The following KLF7 variants were observed in gnomAD, a reference collection of about 807,000 sequenced individuals.
The protein encoded by KLF7 is KLF transcription factor 7.
KLF7 carries 2 observed loss-of-function variants against 27.3 expected under a neutral mutation model. The observed-to-expected ratio is 0.07, with a 90% CI of 0.03 to 0.23. KLF7 has a LOEUF of 0.23. Ranked by LOEUF, KLF7 falls within the 10% of genes least tolerant of loss-of-function variation. The probability of loss-of-function intolerance (pLI) is 1.00; values close to 1 mark genes in which losing one functional copy is unlikely to be tolerated. For missense variants in KLF7, 221 were observed against 394.1 expected (o/e 0.56, Z 3.72); for synonymous variants, 165 against 162.4 (o/e 1.02, Z -0.12).
chr2:207,080,527 C>G lies in KLF7; in HGVS notation c.*686G>C, dbSNP rs1050719277. ...GGCCAGAAAGGTGTAAGGTGTTATT[C>G]CAGTCTGCCGCCGCTAAGGCCGTTG... On this transcript the variant is annotated 3_prime_UTR_variant, in exon 4 of 4. Transcript: ENST00000309446. 3.4e-5 allele frequency: 9 copies of G among 266,156 alleles called. No homozygotes were observed. Among genetic ancestry groups the G allele is most frequent in the East Asian group, 6.5e-5 (1 of 15,432 alleles). The allele number at this position is 266,156 out of a possible 1,614,324, so 16.5% of individuals were successfully genotyped here.
At chr2:207,136,833 C>T (rs2077803344) in intron 1 of KLF7, among the ~76,000 whole-genome samples, 1 of 152,066 alleles carries the variant, frequency 6.6e-6, no homozygotes, top group Non-Finnish European at 1.5e-5. Flanking sequence ...GAAAATCTAT[C>T]CTAAAATGCT....
At chr2:207,117,067 C>A (rs915314721) in intron 2 of KLF7, among the ~76,000 whole-genome samples, 1 of 152,070 alleles carries the variant, frequency 6.6e-6, no homozygotes, top group South Asian at 2.1e-4. Context: ...TCTTTCTCCT[C>A]GATTCTTATT....
chr2:207,080,062 C>T lies in KLF7; in HGVS notation c.*1151G>A, dbSNP rs909680065. ...AGCTGCCCTCTGAGACTAGCGACAT[C>T]TATGCTGTAACTGGTTATGGGGTAG... On this transcript the variant is annotated 3_prime_UTR_variant, in exon 4 of 4. Coordinates refer to ENST00000309446, the MANE Select transcript of KLF7 (RefSeq NM_003709.4). 6 of 152,192 alleles carry T rather than the reference C, an allele frequency of 3.9e-5. No homozygotes were observed. The highest frequency in any genetic ancestry group is 1.4e-4 in the African/African-American group (6 of 41,452). The allele number at this position is 152,192 out of a possible 1,614,324, so 9.4% of individuals were successfully genotyped here.
rs531089329 is a variant in KLF7, at chr2:207,116,930, T to A, written c.733+6844A>T. On this transcript the variant is annotated intron_variant, in intron 2 of 3. Transcript: ENST00000309446. ...GATCAAGTTCCAAATATAATGATTT[T>A]ATGAAACCATATTTCAGGCTTTTGT... 4.6e-5 allele frequency among the ~76,000 whole-genome samples: 7 copies of A among 152,372 alleles called. No homozygotes were observed. The South Asian group carries it at 8.3e-4, about 18-fold the overall frequency.
At chr2:207,131,727 AG>A (rs2077642281) in intron 1 of KLF7, among the ~76,000 whole-genome samples, 1 of 152,214 alleles carries the variant, frequency 6.6e-6, no homozygotes, top group Admixed American at 6.5e-5. Flanking sequence ...ACACATTCCT[AG>A]GCTTTCAAAA....
chr2:207,090,719 A>AC (rs1451636457), intron 2 of KLF7, among the ~76,000 whole-genome samples: 1 of 152,166 alleles, frequency 6.6e-6, no homozygotes, highest in Non-Finnish European at 1.5e-5. Flanking sequence ...ATTGATGGAG[A>AC]ATGAATCCAA....
chr2:207,093,718 AT>A (rs2076563640), intron 2 of KLF7, among the ~76,000 whole-genome samples: 1 of 152,242 alleles, frequency 6.6e-6, no homozygotes, highest in African/African-American at 2.4e-5. Context: ...CGTCCGATAC[AT>A]TAGGTGAATT....
intron 1 of KLF7, among the ~76,000 whole-genome samples, chr2:207,156,641 C>T (rs1466938979): frequency 6.6e-6 from 1 of 152,176 alleles, no homozygotes; most frequent in African/African-American, 2.4e-5. Flanking sequence ...CCAGGTTAAG[C>T]AAATTCCTGA....
intron 1 of KLF7, among the ~76,000 whole-genome samples, chr2:207,161,328 C>T (rs1410115601): frequency 6.6e-6 from 1 of 152,158 alleles, no homozygotes; most frequent in Non-Finnish European, 1.5e-5. Context: ...TTTACAGTAA[C>T]TGAAGAACAC....
chr2:207,109,538 G>C (rs2076972156), intron 2 of KLF7, among the ~76,000 whole-genome samples: 1 of 152,126 alleles, frequency 6.6e-6, no homozygotes, highest in African/African-American at 2.4e-5. Flanking sequence ...TACCTCATCG[G>C]TAAGTGAAGG....
chr2:207,101,642 C>G (rs1433425582), intron 2 of KLF7, among the ~76,000 whole-genome samples: 2 of 152,142 alleles, frequency 1.3e-5, no homozygotes, highest in African/African-American at 4.8e-5. Flanking sequence ...ACTATCCCCT[C>G]AAGAGACTGA....
intron 1 of KLF7, among the ~76,000 whole-genome samples, chr2:207,160,231 T>C (rs969550104): frequency 2.9e-4 from 44 of 152,220 alleles, no homozygotes; most frequent in African/African-American, 8.7e-4. Context: ...TCCGCCCCCC[T>C]ACCCCCAATC....
In KLF7 at chr2:207,148,436, C is replaced by CT. The variant is rs1393399434; in HGVS notation, c.102+17030_102+17031insA. Among the ~76,000 whole-genome samples, 138 of 152,280 alleles carry CT rather than the reference C, an allele frequency of 9.1e-4. 1 individual carries two copies. The highest frequency in any genetic ancestry group is 3.2e-3 in the African/African-American group (131 of 41,550). ...CCCAAGCCACCATGCGGTACTGCTT[C>CT]CCATGGTCATTCTACATGCAAGCTT... is the stretch of plus-strand genomic sequence containing the variant. On this transcript the variant is annotated intron_variant, in intron 1 of 3. Coordinates refer to ENST00000309446, the MANE Select transcript of KLF7 (RefSeq NM_003709.4).
At chr2:207,134,579 C>A (rs757868951) in intron 1 of KLF7, among the ~76,000 whole-genome samples, 2 of 152,120 alleles carry the variant, frequency 1.3e-5, no homozygotes, top group Non-Finnish European at 2.9e-5. Flanking sequence ...GCTGTTTTTC[C>A]TGATATGGAT....
chr2:207,142,362 G>C (rs140350003), intron 1 of KLF7, among the ~76,000 whole-genome samples: 67 of 152,258 alleles, frequency 4.4e-4, no homozygotes, highest in African/African-American at 1.5e-3. Flanking sequence ...CTGTTATCTT[G>C]TACTTCTTTC....
chr2:207,156,508 A>G (rs1049271175), intron 1 of KLF7, among the ~76,000 whole-genome samples: 2 of 152,194 alleles, frequency 1.3e-5, no homozygotes, highest in Non-Finnish European at 2.9e-5. Context: ...CTTTCAAACC[A>G]TGGAGCAGGC....
intron 2 of KLF7, among the ~76,000 whole-genome samples, chr2:207,114,227 A>G (rs1370922271): frequency 6.6e-6 from 1 of 152,222 alleles, no homozygotes; most frequent in Non-Finnish European, 1.5e-5. Context: ...TATATCAAGG[A>G]AGGAAGATGT....
chr2:207,157,698 G>C (rs930499850), intron 1 of KLF7, among the ~76,000 whole-genome samples: 3 of 152,218 alleles, frequency 2.0e-5, no homozygotes, highest in Non-Finnish European at 4.4e-5. Flanking sequence ...CAATGGCCAA[G>C]GGTGCCATCC....
At chr2:207,082,044 G>C (rs2076285397) in intron 3 of KLF7, among the ~76,000 whole-genome samples, 1 of 152,102 alleles carries the variant, frequency 6.6e-6, no homozygotes, top group Admixed American at 6.6e-5. Context: ...CTGAGGCTAA[G>C]GTGTTTCTTG....
Sources: gnomAD v4.1 joint callset for allele counts (sites outside exome capture counted in the v4.1 genomes callset) on GRCh38, gnomAD v4.1.1 for gene constraint, MANE v1.5 for transcripts, NCBI Gene and HGNC (gene_info 2026-07-23, HGNC 2026-07-21) for gene names.